Variants in DPP10 observed in about 807,000 individuals in gnomAD.
DPP10 encodes dipeptidyl peptidase like 10.
In DPP10, 33 loss-of-function variants were observed where a neutral mutation model predicts 120.9. The ratio of observed to expected loss-of-function variants is 0.27; its 90% CI spans 0.21 to 0.37. The LOEUF is 0.37. DPP10 is among the 10% of genes least tolerant of loss of function. DPP10 has a pLI of 1.00. For missense variants in DPP10, 816 were observed against 942.8 expected, an observed-to-expected ratio of 0.87 and a Z score of 1.76; for synonymous variants, 337 against 326.1, an observed-to-expected ratio of 1.03 and a Z score of -0.36.
At chr2:114,597,463 T>A (rs1458068294) in intron 1 of DPP10, among the ~76,000 whole-genome samples, 1 of 152,062 alleles carries the variant, frequency 6.6e-6, no homozygotes, top group Admixed American at 6.6e-5. Context: ...CAGTGTTTTT[T>A]ATTATACTTT....
At chr2:115,106,781 C>T (rs1417243851) in intron 1 of DPP10, among the ~76,000 whole-genome samples, 1 of 152,018 alleles carries the variant, frequency 6.6e-6, no homozygotes, top group African/African-American at 2.4e-5. Flanking sequence ...TCTCTTAAAA[C>T]GTTCTTAAAC....
intron 5 of DPP10, among the ~76,000 whole-genome samples, chr2:115,543,254 G>T (rs961535264): frequency 6.6e-6 from 1 of 151,988 alleles, no homozygotes; most frequent in African/African-American, 2.4e-5. Context: ...GTCCATTTGG[G>T]CAGTTATGTG....
At chr2:115,510,717 T>A (rs189130991) in intron 4 of DPP10, among the ~76,000 whole-genome samples, 3 of 152,262 alleles carry the variant, frequency 2.0e-5, no homozygotes, top group Admixed American at 2.0e-4. Context: ...TTATATTGCT[T>A]ATGTAGATCA....
chr2:114,443,581 C>T (rs750104129), intron 1 of DPP10, among the ~76,000 whole-genome samples: 8 of 151,878 alleles, frequency 5.3e-5, no homozygotes, highest in South Asian at 2.1e-4. Flanking sequence ...GGCTTATAAA[C>T]GACCAGACTT....
chr2:115,632,542 A>G (rs1483801892), intron 5 of DPP10, among the ~76,000 whole-genome samples: 5 of 152,176 alleles, frequency 3.3e-5, no homozygotes, highest in African/African-American at 1.2e-4. Flanking sequence ...CATGATGGTG[A>G]CGAATTCCCT....
Position 115,541,714 on chromosome 2 carries a change from C to G in DPP10, c.441+15742C>G, listed in dbSNP as rs573560241. On this transcript the variant is annotated intron_variant, in intron 5 of 25. Coordinates refer to ENST00000410059, the MANE Select transcript of DPP10 (RefSeq NM_020868.6). ...AATTAATCATAAATTCATTCAATAA[C>G]TATCCATGGAAAGCTTACTATGTAA... Among the ~76,000 whole-genome samples, 12 of 151,890 alleles carry G rather than the reference C, an allele frequency of 7.9e-5. No individual in the cohort carries two copies. The South Asian group carries it at 2.5e-3, about 32-fold the overall frequency.
chr2:115,380,501 T>C (rs1360964916), intron 3 of DPP10, among the ~76,000 whole-genome samples: 1 of 152,234 alleles, frequency 6.6e-6, no homozygotes, highest in East Asian at 1.9e-4. Flanking sequence ...CTTGACTCTT[T>C]ATCCAGTTTG....
intron 1 of DPP10, among the ~76,000 whole-genome samples, chr2:114,829,546 T>TG (rs1018120963): frequency 2.0e-5 from 3 of 150,924 alleles, no homozygotes; most frequent in African/African-American, 7.3e-5. Flanking sequence ...TTTTTTTTTT[T>TG]TTGTATTTTT....
intron 1 of DPP10, among the ~76,000 whole-genome samples, chr2:114,824,928 TG>T (rs1686399808): frequency 2.0e-5 from 3 of 152,196 alleles, no homozygotes; most frequent in African/African-American, 7.2e-5. Context: ...GATGAAACCC[TG>T]GTAACCCTGG....
chr2:115,442,369 G>A (rs1465048647), intron 3 of DPP10, among the ~76,000 whole-genome samples: 1 of 143,162 alleles, frequency 7.0e-6, no homozygotes, highest in East Asian at 2.1e-4. Context: ...GTGTTTGTGT[G>A]TGTGTGTGTG....
At chr2:114,859,091 C>A (rs970154870) in intron 1 of DPP10, among the ~76,000 whole-genome samples, 14 of 151,854 alleles carry the variant, frequency 9.2e-5, no homozygotes, top group African/African-American at 3.1e-4. Context: ...CTTTGGGAGA[C>A]TAAGGTGGGT....
intron 1 of DPP10, 55 bp downstream of exon 1, chr2:114,442,893 A>T (rs1366602225): frequency 1.3e-6 from 2 of 1,597,636 alleles, no homozygotes; most frequent in Non-Finnish European, 1.7e-6. Flanking sequence ...TCATCTACCT[A>T]ACACATGGGC....
intron 2 of DPP10, among the ~76,000 whole-genome samples, chr2:115,340,208 TAAA>T (rs1190743719): frequency 6.6e-6 from 1 of 152,030 alleles, no homozygotes; most frequent in Non-Finnish European, 1.5e-5. Flanking sequence ...ATGTAGAAAA[TAAA>T]AACTCATAAT....
At chr2:115,217,648 C>T (rs988312858) in intron 1 of DPP10, among the ~76,000 whole-genome samples, 5 of 152,194 alleles carry the variant, frequency 3.3e-5, no homozygotes, top group African/African-American at 1.2e-4. Context: ...ACTTCAATTT[C>T]ATCATCACCT....
At chr2:114,859,048 C>T (rs1297667690) in intron 1 of DPP10, among the ~76,000 whole-genome samples, 1 of 151,892 alleles carries the variant, frequency 6.6e-6, no homozygotes, top group Non-Finnish European at 1.5e-5. Context: ...AATTATTGGC[C>T]AGACGCGGTG....
At chr2:114,576,624 G>A (rs1690069539) in intron 1 of DPP10, among the ~76,000 whole-genome samples, 1 of 152,150 alleles carries the variant, frequency 6.6e-6, no homozygotes, top group Non-Finnish European at 1.5e-5. Flanking sequence ...AGGGAAGAGT[G>A]GAGAAAAAGT....
At chr2:114,718,934 G>T (rs1291648233) in intron 1 of DPP10, among the ~76,000 whole-genome samples, 6 of 152,142 alleles carry the variant, frequency 3.9e-5, no homozygotes, top group African/African-American at 1.4e-4. Flanking sequence ...CTCAAATGTT[G>T]AAATAAAGAA....
intron 7 of DPP10, among the ~76,000 whole-genome samples, chr2:115,703,311 A>G (rs999468005): frequency 1.3e-5 from 2 of 152,054 alleles, no homozygotes; most frequent in African/African-American, 4.8e-5. Flanking sequence ...AACTAGTTCC[A>G]GTTTTGTTTA....
intron 21 of DPP10, among the ~76,000 whole-genome samples, chr2:115,827,412 G>GTATATATATA (rs1164585822): frequency 0.013 from 1,067 of 81,782 alleles, 7 homozygotes; most frequent in Middle Eastern, 0.018. Flanking sequence ...GTATGTGTGT[G>GTATATATATA]TGTATATATA....
Sources: gnomAD v4.1 joint callset for allele counts (sites outside exome capture counted in the v4.1 genomes callset) on GRCh38, gnomAD v4.1.1 for gene constraint, MANE v1.5 for transcripts, NCBI Gene and HGNC (gene_info 2026-07-23, HGNC 2026-07-21) for gene names.